PALLD: variants seen among roughly 807,000 people sequenced by gnomAD.
The protein encoded by PALLD is palladin, cytoskeletal associated protein.
Under a neutral mutation model 123.5 loss-of-function variants are expected in PALLD, and 61 were observed. The ratio of observed to expected loss-of-function variants is 0.49; its 90% CI spans 0.40 to 0.61. PALLD has a LOEUF of 0.61. Among genes scored for constraint, PALLD ranks in the 20% least tolerant of loss-of-function variants. The pLI is 0.00. For synonymous variants in PALLD, 465 were observed against 496.4 expected, an observed-to-expected ratio of 0.94 and a Z score of 0.84; for missense variants, 1,273 against 1,377.0, an observed-to-expected ratio of 0.92 and a Z score of 1.20.
chr4:168,836,084 G>C (rs866450647), intron 10 of PALLD, among the ~76,000 whole-genome samples: 22 of 152,216 alleles, frequency 1.4e-4, no homozygotes, highest in African/African-American at 5.1e-4. Flanking sequence ...CTTTAGGGTT[G>C]ACCGTAATTG....
At chr4:168,924,230 G>A (rs747238101) in intron 18 of PALLD, 25 bp from the exon 19 acceptor site, 1 of 1,602,602 alleles carries the variant, frequency 6.2e-7, no homozygotes, top group Non-Finnish European at 8.5e-7. Context: ...ATCATTGATA[G>A]AGAATTCATC....
intron 10 of PALLD, among the ~76,000 whole-genome samples, chr4:168,724,982 C>T (rs1048858939): frequency 6.6e-6 from 1 of 152,196 alleles, no homozygotes; most frequent in Non-Finnish European, 1.5e-5. Context: ...CTCTGAAGCC[C>T]TGGGAATGTC....
chr4:168,523,808 T>G (rs927659726), intron 2 of PALLD, among the ~76,000 whole-genome samples: 1 of 152,172 alleles, frequency 6.6e-6, no homozygotes, highest in Non-Finnish European at 1.5e-5. Flanking sequence ...TGTAGGAAGT[T>G]TATGCTAAAA....
At chr4:168,689,432 CTTTTTTTTTTTTTTTTTTTTTT>C (rs70961551) in intron 6 of PALLD, among the ~76,000 whole-genome samples, 1 of 49,834 alleles carries the variant, frequency 2.0e-5, no homozygotes, top group Non-Finnish European at 3.8e-5. Flanking sequence ...ATCCAATATT[CTTTTTTTTTTTTTTTTTTTTTT>C]TTTTTTTTTT....
At chr4:168,605,752 T>C (rs4371580) in intron 2 of PALLD, among the ~76,000 whole-genome samples, 96,666 of 152,080 alleles carry the variant, frequency 0.64, 31,823 homozygotes, top group East Asian at 0.88. Context: ...CTACCAGTAG[T>C]CCCCAAAAAT....
At chr4:168,761,220 G>C (rs771410066) in intron 10 of PALLD, among the ~76,000 whole-genome samples, 79 of 152,090 alleles carry the variant, frequency 5.2e-4, no homozygotes, top group Admixed American at 2.0e-3. Context: ...TTTCCATGGA[G>C]TATATTTTTC....
chr4:168,639,751 A>G (rs565376787), intron 2 of PALLD, among the ~76,000 whole-genome samples: 7 of 152,100 alleles, frequency 4.6e-5, no homozygotes, highest in Non-Finnish European at 7.4e-5. Flanking sequence ...TCACCGTGTT[A>G]GCCAGGATGG....
chr4:168,623,389 CAT>C (rs528538502), intron 2 of PALLD, among the ~76,000 whole-genome samples: 5 of 152,318 alleles, frequency 3.3e-5, no homozygotes, highest in East Asian at 3.9e-4. Flanking sequence ...CAAATACAAA[CAT>C]GTGGTTCATG....
At chr4:168,871,208 A>G (rs1751027212) in intron 10 of PALLD, among the ~76,000 whole-genome samples, 1 of 152,220 alleles carries the variant, frequency 6.6e-6, no homozygotes, top group African/African-American at 2.4e-5. Flanking sequence ...TGGGACTGAC[A>G]CAAGGGATGG....
At position 168,511,695 on chromosome 4, in the gene PALLD, T is replaced by A; in HGVS notation, c.191T>A (p.Ile64Asn). The A allele has an allele frequency of 4.3e-6, 7 of 1,614,114 alleles. 1 individual carries two copies. In the South Asian group the frequency reaches 7.7e-5, roughly 18 times the overall value. The change falls in exon 2 of 22, where the codon ATC becomes AAC. Residue 64 changes from isoleucine (I) to asparagine (N), a missense_variant. By Grantham distance (149) the Ile-to-Asn change is moderately radical (BLOSUM62 -3). This residue lies in a region of PALLD where 944 missense variants were observed against 954.5 expected (regional missense o/e 0.99). Transcript: ENST00000505667. ...GAAGATTTTGACTCGGAAAAGGAGA[T>A]CTCGCAGATTTTCAGTACTTCTCCT... ...ETEDFDSEKE[I>N]SQIFSTSPAS...
intron 1 of PALLD, among the ~76,000 whole-genome samples, chr4:168,503,829 C>T (rs1436652031): frequency 6.6e-6 from 1 of 152,138 alleles, no homozygotes; most frequent in African/African-American, 2.4e-5. Context: ...GCATTTCCAT[C>T]AGCTCAGGCT....
At chr4:168,877,784 C>T (rs1357428160) in intron 10 of PALLD, 6 of 1,208,144 alleles carry the variant, frequency 5.0e-6, no homozygotes, top group Middle Eastern at 2.2e-4. Context: ...GGCCGGCGCT[C>T]GGCAGCCTCC....
At chr4:168,670,436 A>G (rs1361418869) in intron 3 of PALLD, among the ~76,000 whole-genome samples, 1 of 152,188 alleles carries the variant, frequency 6.6e-6, no homozygotes, top group Non-Finnish European at 1.5e-5. Context: ...CATTTTTTTA[A>G]AAAAAGCCGG....
intron 2 of PALLD, among the ~76,000 whole-genome samples, chr4:168,557,032 T>TTTTTGTTTTGTTTTG (rs56127507): frequency 0.045 from 6,739 of 150,620 alleles, 214 homozygotes; most frequent in South Asian, 0.1. Flanking sequence ...TTTCCACTTG[T>TTTTTGTTTTGTTTTG]TTTTGTTTTG....
chr4:168,897,336 A>C (rs974945144), intron 13 of PALLD, among the ~76,000 whole-genome samples: 18 of 152,240 alleles, frequency 1.2e-4, no homozygotes, highest in African/African-American at 2.9e-4. Context: ...CCCTCAAACC[A>C]ACAAACTTGT....
At chr4:168,781,708 G>A (rs556706641) in intron 10 of PALLD, among the ~76,000 whole-genome samples, 2 of 152,222 alleles carry the variant, frequency 1.3e-5, no homozygotes, top group South Asian at 4.2e-4. Flanking sequence ...TGGTTACAAG[G>A]TAGGATACCA....
At chr4:168,912,074 T>A (rs1242250661) in intron 15 of PALLD, among the ~76,000 whole-genome samples, 1 of 152,116 alleles carries the variant, frequency 6.6e-6, no homozygotes, top group Non-Finnish European at 1.5e-5. Flanking sequence ...TGCCCTTCAG[T>A]GAATCTTGCT....
intron 10 of PALLD, among the ~76,000 whole-genome samples, chr4:168,758,798 A>G (rs1371257740): frequency 6.6e-6 from 1 of 151,906 alleles, no homozygotes; most frequent in African/African-American, 2.4e-5. Flanking sequence ...TGAAATCCCT[A>G]GTTTCTCTCA....
chr4:168,634,980 A>T (rs1289651145), intron 2 of PALLD, among the ~76,000 whole-genome samples: 2 of 152,214 alleles, frequency 1.3e-5, no homozygotes, highest in African/African-American at 2.4e-5. Context: ...AGAAAACAGG[A>T]AAACGTAGGA....
Sources: gnomAD v4.1 joint callset for allele counts (sites outside exome capture counted in the v4.1 genomes callset) on GRCh38, gnomAD v4.1.1 for gene constraint, gnomAD v4.1.1 regional missense constraint, MANE v1.5 for transcripts, NCBI Gene and HGNC (gene_info 2026-07-23, HGNC 2026-07-21) for gene names.